The following SPECC1 variants were observed in gnomAD, a reference collection of about 807,000 sequenced individuals.
SPECC1 encodes the protein sperm antigen with calponin homology and coiled-coil domains 1.
Under a neutral mutation model 104.1 loss-of-function variants are expected in SPECC1, and 62 were observed. The observed-to-expected ratio is 0.60, with a 90% confidence interval of 0.49 to 0.74. SPECC1 has a LOEUF of 0.74. Among genes scored for constraint, SPECC1 ranks in the 30% least tolerant of loss-of-function variants. The pLI, the probability that SPECC1 is intolerant of heterozygous loss-of-function variation, is 0.00. For missense variants in SPECC1, 1,306 were observed against 1,310.5 expected (o/e 1.00, Z 0.05); for synonymous variants, 513 against 501.6 (o/e 1.02, Z -0.30).
chr17:20,099,005 G>A (rs959066129), intron 2 of SPECC1, among the ~76,000 whole-genome samples: 2 of 152,130 alleles, frequency 1.3e-5, no homozygotes, highest in South Asian at 4.1e-4. Context: ...GCGTGGGGCT[G>A]GCCTGAGTTG....
intron 2 of SPECC1, among the ~76,000 whole-genome samples, chr17:20,099,836 A>G (rs2047856388): frequency 6.6e-6 from 1 of 152,166 alleles, no homozygotes; most frequent in Admixed American, 6.5e-5. Context: ...AACTTGTTCC[A>G]AAGAGAAAAT....
intron 3 of SPECC1, chr17:20,126,362 A>T (rs761990462): frequency 6.7e-6 from 1 of 149,404 alleles, no homozygotes; most frequent in East Asian, 2.0e-4. Flanking sequence ...GGGATTCTTT[A>T]TTCATTGTAC....
At chr17:20,172,734 CT>C (rs953880280) in intron 3 of SPECC1, among the ~76,000 whole-genome samples, 2 of 152,244 alleles carry the variant, frequency 1.3e-5, no homozygotes, top group Non-Finnish European at 2.9e-5. Flanking sequence ...CCCACTAGCC[CT>C]TGATGAGTTT....
At chr17:20,246,843 C>T (rs2039444138) in intron 8 of SPECC1, among the ~76,000 whole-genome samples, 1 of 152,138 alleles carries the variant, frequency 6.6e-6, no homozygotes, top group Non-Finnish European at 1.5e-5. Context: ...AAATTGTTTG[C>T]ACCTAAATTA....
intron 3 of SPECC1, among the ~76,000 whole-genome samples, chr17:20,192,029 TG>T (rs1422034848): frequency 6.6e-6 from 1 of 152,144 alleles, no homozygotes; most frequent in Non-Finnish European, 1.5e-5. Context: ...CTTCACCTCC[TG>T]GGCTCAAGTG....
chr17:20,187,040 T>C (rs2035329359), intron 3 of SPECC1, among the ~76,000 whole-genome samples: 2 of 151,222 alleles, frequency 1.3e-5, no homozygotes, highest in South Asian at 2.1e-4. Flanking sequence ...TTTTGAACTT[T>C]GGATTTTTTT....
intron 4 of SPECC1, among the ~76,000 whole-genome samples, chr17:20,211,443 C>G (rs1156813516): frequency 6.6e-6 from 1 of 152,234 alleles, no homozygotes; most frequent in Non-Finnish European, 1.5e-5. Context: ...ACAGCTGTTG[C>G]ACCAGTAAGC....
intron 3 of SPECC1, among the ~76,000 whole-genome samples, chr17:20,147,257 G>A (rs1393761708): frequency 2.6e-5 from 4 of 151,956 alleles, no homozygotes; most frequent in African/African-American, 9.7e-5. Flanking sequence ...TTTTAGTAAA[G>A]ACAGGGTTTC....
chr17:20,222,723 C>G (rs937418461), intron 4 of SPECC1, among the ~76,000 whole-genome samples: 1 of 152,154 alleles, frequency 6.6e-6, no homozygotes, highest in African/African-American at 2.4e-5. Context: ...TTTGTATGTT[C>G]AGATGATTTC....
intron 3 of SPECC1, among the ~76,000 whole-genome samples, chr17:20,176,523 A>T (rs2034486233): frequency 6.6e-6 from 1 of 152,154 alleles, no homozygotes; most frequent in Admixed American, 6.5e-5. Flanking sequence ...AATTTAGTGG[A>T]TTCAAAAACA....
At chr17:20,226,384 A>G (rs1031172184) in intron 4 of SPECC1, among the ~76,000 whole-genome samples, 3 of 152,206 alleles carry the variant, frequency 2.0e-5, no homozygotes, top group African/African-American at 7.2e-5. Flanking sequence ...TAATACAGAT[A>G]CAGTATAATC....
chr17:20,117,577 A>G (rs1232279388), intron 3 of SPECC1, among the ~76,000 whole-genome samples: 1 of 152,024 alleles, frequency 6.6e-6, no homozygotes, highest in Non-Finnish European at 1.5e-5. Context: ...GCTTGAGCCC[A>G]GGAGTTGAAG....
At chr17:20,181,831 G>A (rs1345396194) in intron 3 of SPECC1, among the ~76,000 whole-genome samples, 1 of 151,990 alleles carries the variant, frequency 6.6e-6, no homozygotes, top group Non-Finnish European at 1.5e-5. Flanking sequence ...GACATAAAGT[G>A]AATAAATATT....
At chr17:20,177,897 A>G (rs1240220203) in intron 3 of SPECC1, among the ~76,000 whole-genome samples, 2 of 151,884 alleles carry the variant, frequency 1.3e-5, no homozygotes, top group Non-Finnish European at 2.9e-5. Flanking sequence ...TTTACTAGAG[A>G]CGGGGTTTCA....
intron 1 of SPECC1, among the ~76,000 whole-genome samples, chr17:20,063,530 T>G (rs2046261024): frequency 6.6e-6 from 1 of 152,256 alleles, no homozygotes; most frequent in South Asian, 2.1e-4. Flanking sequence ...GTTTAATTAA[T>G]TGCCGTTTTT....
intron 1 of SPECC1, among the ~76,000 whole-genome samples, chr17:20,045,067 G>A (rs1248114798): frequency 6.6e-6 from 1 of 152,160 alleles, no homozygotes; most frequent in East Asian, 1.9e-4. Flanking sequence ...AAAATTACAA[G>A]CAGTATAGAT....
intron 12 of SPECC1, among the ~76,000 whole-genome samples, chr17:20,285,168 C>T (rs541752364): frequency 1.3e-5 from 2 of 152,298 alleles, no homozygotes; most frequent in Admixed American, 6.5e-5. Context: ...CCAAGGCAAG[C>T]GAAAGCATCT....
intron 14 of SPECC1, among the ~76,000 whole-genome samples, chr17:20,307,628 C>T (rs2041806663): frequency 1.3e-5 from 2 of 152,112 alleles, no homozygotes; most frequent in Non-Finnish European, 2.9e-5. Flanking sequence ...AGGGAGAGAG[C>T]TTGGGAATGA....
At chr17:20,149,001 G>A (rs1597818809) in intron 3 of SPECC1, among the ~76,000 whole-genome samples, 1 of 151,860 alleles carries the variant, frequency 6.6e-6, no homozygotes, top group East Asian at 1.9e-4. Context: ...GGATTACAGG[G>A]GTAGGCCACC....
Sources: allele counts gnomAD v4.1 joint callset (sites outside exome capture counted in the v4.1 genomes callset), GRCh38; gene constraint gnomAD v4.1.1; transcripts MANE v1.5; gene names NCBI Gene and HGNC (gene_info 2026-07-23, HGNC 2026-07-21).